The following ECE1 variants were observed in gnomAD, a reference collection of about 807,000 sequenced individuals.
ECE1 encodes endothelin converting enzyme 1, also known as endothelin-converting enzyme 1.
A neutral mutation model predicts 98.6 loss-of-function variants in ECE1; 35 were observed. The observed-to-expected ratio is 0.35, with a 90% CI of 0.27 to 0.47. The LOEUF (loss-of-function observed/expected upper bound fraction) is 0.47. ECE1 is among the 20% of genes least tolerant of loss of function. The pLI is 1.00. For synonymous variants in ECE1, 394 were observed against 407.1 expected, an observed-to-expected ratio of 0.97 and a Z score of 0.39; for missense variants, 814 against 1,025.3, an observed-to-expected ratio of 0.79 and a Z score of 2.81.
intron 4 of ECE1, among the ~76,000 whole-genome samples, chr1:21,264,084 T>C (rs1298093174): frequency 1.3e-5 from 2 of 152,150 alleles, no homozygotes; most frequent in African/African-American, 4.8e-5. Context: ...CAAGTTTCTT[T>C]GGCCTGAGTG....
intron 1 of ECE1, among the ~76,000 whole-genome samples, chr1:21,324,527 G>A (rs1332251994): frequency 1.3e-5 from 2 of 152,250 alleles, no homozygotes; most frequent in Non-Finnish European, 2.9e-5. Context: ...TGTGGCTGAA[G>A]TGTCCCTCAG....
At chr1:21,236,637 G>A (rs1473133632) in intron 12 of ECE1, 109 bp downstream of exon 12, 4 of 1,112,624 alleles carry the variant, frequency 3.6e-6, no homozygotes, top group East Asian at 4.7e-5. Flanking sequence ...TAACAAGAAC[G>A]AAACTCTGCC....
chr1:21,271,486 C>A (rs61779142), intron 4 of ECE1, among the ~76,000 whole-genome samples: 2 of 152,098 alleles, frequency 1.3e-5, no homozygotes, highest in African/African-American at 4.8e-5. Flanking sequence ...CAGTATTTGT[C>A]GGATCTAGGT....
chr1:21,297,440 G>A (rs1638384067), intron 1 of ECE1, among the ~76,000 whole-genome samples: 1 of 151,704 alleles, frequency 6.6e-6, no homozygotes, highest in Non-Finnish European at 1.5e-5. Flanking sequence ...CTTCCCCGGT[G>A]ACCCCCTGAC....
At chr1:21,248,945 G>A (rs1474905157) in intron 8 of ECE1, among the ~76,000 whole-genome samples, 2 of 152,024 alleles carry the variant, frequency 1.3e-5, no homozygotes. Context: ...TGTCTTATCT[G>A]CAGGGTCTTG....
At chr1:21,293,055 G>A (rs1638249727), upstream of ECE1, among the ~76,000 whole-genome samples, 1 of 152,224 alleles carries the variant, frequency 6.6e-6, no homozygotes, top group African/African-American at 2.4e-5. Context: ...CCCGGGGCAT[G>A]TGGGTGGTGT....
At position 21,238,368 on chromosome 1, in the gene ECE1, G is replaced by C. The variant is rs547944259; in HGVS notation, c.1279-124C>G. 1.3e-5 allele frequency: 10 copies of C among 791,464 alleles called. No homozygotes were observed. In the East Asian group the frequency reaches 1.3e-4, roughly 11 times the overall value. 49.0% of individuals were successfully genotyped at this position (791,464 alleles called of 1,614,324 possible). A position where few individuals can be genotyped will look rare whatever the true frequency, so the allele number is the denominator to read the frequency against. ...TCTGGAAGTTCAGGGAGAGCTTTCC[G>C]ACCCAGTAAAGTTATTTTAGTCACC... On this transcript the variant is annotated intron_variant, in intron 10 of 18. Transcript: ENST00000374893.
chr1:21,326,642 G>A (rs751587258), intron 1 of ECE1, among the ~76,000 whole-genome samples: 6 of 152,096 alleles, frequency 3.9e-5, no homozygotes, highest in African/African-American at 1.4e-4. Flanking sequence ...GGATGGTTTG[G>A]AGCAGCGTAG....
chr1:21,232,152 G>A (rs2103228314), intron 14 of ECE1, among the ~76,000 whole-genome samples: 1 of 152,256 alleles, frequency 6.6e-6, no homozygotes, highest in Non-Finnish European at 1.5e-5. Flanking sequence ...TAGTCCACCA[G>A]GGGGCACCAG....
chr1:21,231,118 G>A (rs1041320099), intron 14 of ECE1, among the ~76,000 whole-genome samples: 13 of 152,112 alleles, frequency 8.5e-5, no homozygotes, highest in African/African-American at 2.9e-4. Context: ...GTGAGCCACC[G>A]CGCCCAGCAA....
At position 21,219,858 on chromosome 1, in the gene ECE1, G is replaced by T; in HGVS notation, c.*97C>A. On this transcript the variant is annotated 3_prime_UTR_variant, in exon 19 of 19. Coordinates refer to ENST00000374893, the MANE Select transcript of ECE1 (RefSeq NM_001397.3). This position sits in a 1 kb window ranked among gnomAD's most constrained non-coding sequence, Gnocchi z 4.5. ...CGCCAGTGTGAGGAAGCAGGGCCCCGGGTGGCCAAGCGGGCTGAGCAATGC... is the reference window on the plus strand; with the variant it reads ...CGCCAGTGTGAGGAAGCAGGGCCCCTGGTGGCCAAGCGGGCTGAGCAATGC... The T allele has an allele frequency of 6.6e-7, 1 of 1,510,594 alleles. No individual in the cohort carries two copies. The highest frequency in any genetic ancestry group is 1.2e-5 in the South Asian group (1 of 85,862). 93.6% of individuals were successfully genotyped at this position (1,510,594 alleles called of 1,614,324 possible).
At chr1:21,259,682 A>G (rs1329373670) in intron 5 of ECE1, among the ~76,000 whole-genome samples, 1 of 152,212 alleles carries the variant, frequency 6.6e-6, no homozygotes, top group Non-Finnish European at 1.5e-5. Context: ...AGGGCTGTCC[A>G]GGGAACACGA....
chr1:21,274,831 CCATAAAAAAATTATGGAGCCATTA>C (rs2098244628), intron 3 of ECE1, among the ~76,000 whole-genome samples: 1 of 152,074 alleles, frequency 6.6e-6, no homozygotes, highest in South Asian at 2.1e-4. Flanking sequence ...GAGAGGTGTG[CCATAAAAAAATTATGGAGCCATTA>C]CACATGAAAA....
rs1638982891 is a variant in ECE1 at position 21,322,338 on chromosome 1, G to A, written c.3+23038C>T. Among the ~76,000 whole-genome samples the A allele has an allele frequency of 6.6e-6, 1 of 152,166 alleles. No individual in the cohort carries two copies. The highest frequency in any genetic ancestry group is 1.5e-5 in the Non-Finnish European group (1 of 68,026). The stretch of plus-strand genomic sequence containing the variant: ...TCAGTGCCACCCACCTCTAGCAAAT[G>A]CTTCCATTCCCACAACCATGGGCAC... On this transcript the variant is annotated intron_variant, in intron 1 of 18. Coordinates refer to the ECE1 transcript ENST00000415912. This position sits in a 1 kb window ranked among gnomAD's most constrained non-coding sequence, Gnocchi z 4.1.
In ECE1 at chr1:21,252,751, A is replaced by C. The variant is rs375092539; in HGVS notation, c.1020+3196T>G. 3.9e-4 allele frequency among the ~76,000 whole-genome samples: 60 copies of C among 152,374 alleles called. 1 individual carries two copies. Among genetic ancestry groups the C allele is most frequent in the African/African-American group, 1.3e-3 (56 of 41,590 alleles). On this transcript the variant is annotated intron_variant, in intron 8 of 18. Transcript: ENST00000374893. ...TCCCTAAGTTACCTGGAGTATGGGA[A>C]GAAAACCCCATTTCCAGACACCAGG...
Position 21,233,664 on chromosome 1 carries a change from A to G in ECE1, c.1567-3T>C. 2 of 1,613,464 alleles carry G rather than the reference A, an allele frequency of 1.2e-6. No individual in the cohort carries two copies. The highest frequency in any genetic ancestry group is 1.7e-6 in the Non-Finnish European group (2 of 1,179,544). On this transcript the variant is annotated splice_polypyrimidine_tract_variant and splice_region_variant and intron_variant, in intron 13 of 18. Coordinates refer to ENST00000374893, the MANE Select transcript of ECE1 (RefSeq NM_001397.3). The surrounding 1 kb of genome is among the most constrained non-coding windows in gnomAD (Gnocchi z 4.0). ...TAGAGGTCTGGAACTGCAGTGTACT[A>G]GAAAAGAAGAAGTGGAGTCAATCAC...
chr1:21,267,794 T>G (rs987394836), intron 4 of ECE1, among the ~76,000 whole-genome samples: 1 of 152,122 alleles, frequency 6.6e-6, no homozygotes, highest in Admixed American at 6.6e-5. Flanking sequence ...CCTTCCAATA[T>G]GCGCAGGAAG....
intron 1 of ECE1, among the ~76,000 whole-genome samples, chr1:21,323,842 T>C (rs1291499826): frequency 5.5e-5 from 8 of 144,200 alleles, no homozygotes; most frequent in Admixed American, 1.4e-4. Context: ...TTTTGAGACA[T>C]AGTTTCACTC....
In ECE1 at chr1:21,225,664, G is replaced by A. The variant is rs1230765853; in HGVS notation, c.1850-224C>T. ...ATCGGGAAAAGCTCCAGCGTGGCCC[G>A]AGGCTCAGTGGGGCTTGCTTTGTTT... On this transcript the variant is annotated intron_variant, in intron 16 of 18. Transcript: ENST00000374893. This position sits in a 1 kb window ranked among gnomAD's most constrained non-coding sequence, Gnocchi z 5.3. Among the ~76,000 whole-genome samples, 3 of 151,938 alleles carry A rather than the reference G, an allele frequency of 2.0e-5. No homozygotes were observed. Among genetic ancestry groups the A allele is most frequent in the South Asian group, 4.2e-4 (2 of 4,808 alleles).
Sources: allele counts gnomAD v4.1 joint callset (sites outside exome capture counted in the v4.1 genomes callset), GRCh38; gene constraint gnomAD v4.1.1; non-coding constraint Gnocchi (gnomAD v3.1); transcripts MANE v1.5; gene names NCBI Gene and HGNC (gene_info 2026-07-23, HGNC 2026-07-21).